The following ADAMTS20 variants were observed in gnomAD, a reference collection of about 807,000 sequenced individuals.
ADAMTS20 encodes A disintegrin and metalloproteinase with thrombospondin motifs 20.
Under a neutral mutation model 260.1 loss-of-function variants are expected in ADAMTS20, and 225 were observed. The ratio of observed to expected loss-of-function variants is 0.87; its 90% CI spans 0.78 to 0.97. The LOEUF (loss-of-function observed/expected upper bound fraction) is 0.97. ADAMTS20 is among the 50% of genes least tolerant of loss of function. ADAMTS20 has a pLI of 0.00. For synonymous variants in ADAMTS20, 802 were observed against 769.5 expected, an observed-to-expected ratio of 1.04 and a Z score of -0.70; for missense variants, 2,400 against 2,337.7, an observed-to-expected ratio of 1.03 and a Z score of -0.55.
At chr12:43,450,322 T>A (rs1009600221) in intron 14 of ADAMTS20, among the ~76,000 whole-genome samples, 2 of 152,202 alleles carry the variant, frequency 1.3e-5, no homozygotes, top group Admixed American at 6.5e-5. Flanking sequence ...GCCTTCTAAA[T>A]TTAGTGATCA....
intron 36 of ADAMTS20, 44 bp from the exon 37 acceptor site, chr12:43,369,425 G>T: frequency 1.7e-6 from 2 of 1,173,008 alleles, no homozygotes; most frequent in Non-Finnish European, 2.3e-6. Flanking sequence ...AGACAATAAT[G>T]CAATCGTTGT....
At chr12:43,434,096 A>T in intron 19 of ADAMTS20, 149 bp downstream of exon 19, 1 of 804,342 alleles carries the variant, frequency 1.2e-6, no homozygotes, top group Non-Finnish European at 1.9e-6. Context: ...ACTGAGTTTT[A>T]CCATAAAATA....
Position 43,443,800 on chromosome 12 carries a change from T to G in ADAMTS20, c.2281A>C (p.Ser761Arg). 6.2e-7 allele frequency: 1 copy of G among 1,612,082 alleles called. No homozygotes were observed. Among genetic ancestry groups the G allele is most frequent in the South Asian group, 1.1e-5 (1 of 90,904 alleles). The change falls in exon 16 of 39, where the codon AGT becomes CGT. Residue 761 changes from serine to arginine, a missense_variant. By Grantham distance (110) the Ser-to-Arg change is moderately radical. Coordinates refer to ENST00000389420, the MANE Select transcript of ADAMTS20 (RefSeq NM_025003.5). ...TACGAGAAATGTTTACCAAGGTAAC[T>G]GTCATCTGGTTGTCCAGAATAGCTG... ...QYSYSGQPDD[S>R]YLALSDAEGN...
In ADAMTS20 at chr12:43,376,270, TCAC is replaced by T. The variant is rs1940225470; in HGVS notation, c.5183_5185del (p.Gly1728del). The T allele has an allele frequency of 6.4e-7, 1 of 1,555,786 alleles. No homozygotes were observed. The highest frequency in any genetic ancestry group is 1.9e-5 in the Admixed American group (1 of 51,284). ...TCTTCCCTTAATGTTAAGGTAATAG[TCAC>T]CATCCTTTCTAATGTGGTTTTTCAC... On this transcript the variant is annotated inframe_deletion, in exon 34 of 39. Transcript: ENST00000389420.
chr12:43,503,790 CA>C (rs1213603220), intron 3 of ADAMTS20, among the ~76,000 whole-genome samples: 1 of 152,118 alleles, frequency 6.6e-6, no homozygotes, highest in Non-Finnish European at 1.5e-5. Context: ...ATCTAGCTCC[CA>C]CATACAAGTG....
downstream of ADAMTS20, among the ~76,000 whole-genome samples, chr12:43,353,320 A>G (rs1379445614): frequency 6.6e-6 from 1 of 152,002 alleles, no homozygotes; most frequent in Non-Finnish European, 1.5e-5. Context: ...TGTTTACCAA[A>G]ATAAGATCTT....
Position 43,376,275 on chromosome 12 carries a change from A to G in ADAMTS20, c.5181T>C (p.Asp1727=), listed in dbSNP as rs1452382988. The change falls in exon 34 of 39, where the codon GAT becomes GAC. Residue 1727 remains aspartate (D), a synonymous_variant. Transcript: ENST00000389420. Reference sequence around the variant, plus strand: ...CCTTAATGTTAAGGTAATAGTCACCATCCTTTCTAATGTGGTTTTTCACTT... The same window carrying G: ...CCTTAATGTTAAGGTAATAGTCACCGTCCTTTCTAATGTGGTTTTTCACTT... ...EIQVKNHIRK[D]GDYYLNIKGR... is the part of the protein sequence containing the mutation. The G allele has an allele frequency of 1.3e-6, 2 of 1,555,754 alleles. No individual in the cohort carries two copies. The highest frequency in any genetic ancestry group is 1.4e-5 in the African/African-American group (1 of 73,502).
intron 2 of ADAMTS20, among the ~76,000 whole-genome samples, chr12:43,546,828 T>C (rs1386007633): frequency 1.3e-5 from 2 of 152,192 alleles, no homozygotes; most frequent in African/African-American, 2.4e-5. Flanking sequence ...TAAATCTCTA[T>C]TCAGAAATGT....
intron 2 of ADAMTS20, among the ~76,000 whole-genome samples, chr12:43,533,214 C>G (rs1461014269): frequency 9.6e-6 from 1 of 103,654 alleles, no homozygotes; most frequent in East Asian, 2.7e-4. Context: ...TCTCCAGCAC[C>G]TGTTGTTTCC....
At chr12:43,491,697 G>A (rs1248102958) in intron 6 of ADAMTS20, among the ~76,000 whole-genome samples, 2 of 152,050 alleles carry the variant, frequency 1.3e-5, no homozygotes, top group Non-Finnish European at 2.9e-5. Flanking sequence ...CCTAGCAAAG[G>A]TAGCCTGGTA....
At chr12:43,526,166 T>G (rs1275717903) in intron 3 of ADAMTS20, among the ~76,000 whole-genome samples, 2 of 152,208 alleles carry the variant, frequency 1.3e-5, no homozygotes, top group Admixed American at 6.5e-5. Context: ...AAAATAGGAA[T>G]GATATCGGCC....
intron 3 of ADAMTS20, among the ~76,000 whole-genome samples, chr12:43,524,127 C>G (rs569394976): frequency 2.4e-3 from 67 of 28,396 alleles, no homozygotes; most frequent in Non-Finnish European, 1.3e-3. Flanking sequence ...CTGCAGCAAT[C>G]ACAATATTCT....
chr12:43,452,643 A>G lies in ADAMTS20; in HGVS notation c.1813T>C (p.Cys605Arg). Residue 605 changes from cysteine to arginine, a missense_variant, in exon 13 of 39, where the codon TGT becomes CGT. Cys to Arg is a radical substitution (Grantham distance 180). Coordinates refer to ENST00000389420, the MANE Select transcript of ADAMTS20 (RefSeq NM_025003.5). Reference protein sequence around the residue: ...CVGRRMKFRSCNTDSCPKGTQ... With the variant: ...CVGRRMKFRSRNTDSCPKGTQ... ...CCTTTTGGACATGAATCAGTATTAC[A>G]TGATCGAAATTTCATCCTGCGGCCC... The G allele has an allele frequency of 1.2e-6, 2 of 1,612,524 alleles. No individual in the cohort carries two copies. Among genetic ancestry groups the G allele is most frequent in the Non-Finnish European group, 1.7e-6 (2 of 1,179,186 alleles).
intron 4 of ADAMTS20, among the ~76,000 whole-genome samples, chr12:43,497,044 C>T (rs1942687562): frequency 6.6e-6 from 1 of 152,100 alleles, no homozygotes; most frequent in Admixed American, 6.6e-5. Context: ...GTAATATTTT[C>T]AATATATTAC....
intron 16 of ADAMTS20, among the ~76,000 whole-genome samples, chr12:43,442,597 C>T (rs983558985): frequency 6.6e-6 from 1 of 152,056 alleles, no homozygotes; most frequent in African/African-American, 2.4e-5. Flanking sequence ...ACCTGTGATC[C>T]AGTCCCAGAA....
intron 29 of ADAMTS20, among the ~76,000 whole-genome samples, chr12:43,384,874 G>A (rs1940437558): frequency 6.6e-6 from 1 of 152,014 alleles, no homozygotes; most frequent in Non-Finnish European, 1.5e-5. Context: ...CATTTGGGTT[G>A]GTTCAAATTA....
chr12:43,479,012 T>A (rs1942401507), intron 7 of ADAMTS20, among the ~76,000 whole-genome samples: 1 of 152,104 alleles, frequency 6.6e-6, no homozygotes, highest in African/African-American at 2.4e-5. Flanking sequence ...TAGTTAAGTA[T>A]CAGAAATGAA....
intron 29 of ADAMTS20, among the ~76,000 whole-genome samples, chr12:43,396,204 C>G (rs552280615): frequency 6.6e-6 from 1 of 151,660 alleles, no homozygotes; most frequent in Non-Finnish European, 1.5e-5. Context: ...TAAATCCTTT[C>G]GTTAAAAAAA....
chr12:43,505,818 A>G (rs12302729), intron 3 of ADAMTS20, among the ~76,000 whole-genome samples: 2,287 of 152,326 alleles, frequency 0.015, 52 homozygotes, highest in African/African-American at 0.051. Flanking sequence ...CAATGAAAGC[A>G]GGGTCTTGAA....
Sources: gnomAD v4.1 joint callset for allele counts (sites outside exome capture counted in the v4.1 genomes callset) on GRCh38, gnomAD v4.1.1 for gene constraint, MANE v1.5 for transcripts, NCBI Gene and HGNC (gene_info 2026-07-23, HGNC 2026-07-21) for gene names.